STK33: variants seen among roughly 807,000 people sequenced by gnomAD.
STK33 encodes the protein serine/threonine-protein kinase 33.
In STK33, 52 loss-of-function variants were observed where a neutral mutation model predicts 58.0. The observed-to-expected ratio is 0.90, with a 90% CI of 0.72 to 1.13. STK33 has a LOEUF of 1.13. Ranked by LOEUF, STK33 falls within the 50% of genes most tolerant of loss-of-function variation. STK33 has a pLI of 0.00. For missense variants in STK33, 630 were observed against 604.2 expected, an observed-to-expected ratio of 1.04 and a Z score of -0.45; for synonymous variants, 215 against 200.1, an observed-to-expected ratio of 1.07 and a Z score of -0.63.
At chr11:8,544,305 T>C (rs2140402366) in intron 1 of STK33, among the ~76,000 whole-genome samples, 1 of 104,406 alleles carries the variant, frequency 9.6e-6, no homozygotes, top group East Asian at 2.7e-4. Context: ...ATTTTATATA[T>C]ATATATAAAA....
At chr11:8,495,460 G>A (rs1374765819) in intron 1 of STK33, among the ~76,000 whole-genome samples, 1 of 152,212 alleles carries the variant, frequency 6.6e-6, no homozygotes, top group African/African-American at 2.4e-5. Flanking sequence ...AGATACTGGA[G>A]AGGATGTGGA....
At chr11:8,507,607 A>G (rs867324773) in intron 1 of STK33, among the ~76,000 whole-genome samples, 1 of 152,254 alleles carries the variant, frequency 6.6e-6, no homozygotes, top group South Asian at 2.1e-4. Flanking sequence ...TATCTTAAAG[A>G]AGACTAAATA....
At chr11:8,570,876 G>C (rs1007449299) in intron 1 of STK33, among the ~76,000 whole-genome samples, 1 of 152,140 alleles carries the variant, frequency 6.6e-6, no homozygotes, top group African/African-American at 2.4e-5. Flanking sequence ...TTACATCTCA[G>C]TAAAAGCTGT....
intron 11 of STK33, among the ~76,000 whole-genome samples, chr11:8,452,011 C>T (rs1330620632): frequency 4.6e-5 from 7 of 151,968 alleles, no homozygotes; most frequent in Non-Finnish European, 8.8e-5. Context: ...TAGATCAGCC[C>T]GGCCAACACG....
chr11:8,517,327 C>G (rs1450711082), intron 1 of STK33, among the ~76,000 whole-genome samples: 1 of 152,210 alleles, frequency 6.6e-6, no homozygotes, highest in Non-Finnish European at 1.5e-5. Context: ...AAAACTCCAT[C>G]TGTACGTCAC....
chr11:8,517,712 A>C (rs181260578), intron 1 of STK33, among the ~76,000 whole-genome samples: 237 of 152,348 alleles, frequency 1.6e-3, no homozygotes, highest in Non-Finnish European at 1.5e-3. Flanking sequence ...TCAGTAGCCA[A>C]TTTGATAAAG....
At chr11:8,523,993 A>T (rs1196099433) in intron 1 of STK33, among the ~76,000 whole-genome samples, 5 of 152,214 alleles carry the variant, frequency 3.3e-5, no homozygotes, top group African/African-American at 1.2e-4. Flanking sequence ...CTGCCTTGGG[A>T]TGCTGTTAAT....
chr11:8,512,500 G>A (rs1441892015), intron 1 of STK33, among the ~76,000 whole-genome samples: 2 of 152,194 alleles, frequency 1.3e-5, no homozygotes, highest in African/African-American at 4.8e-5. Flanking sequence ...ATTGGCAGAA[G>A]CTGGAAGGAA....
intron 1 of STK33, among the ~76,000 whole-genome samples, chr11:8,491,490 G>T (rs1392094456): frequency 6.6e-6 from 1 of 152,174 alleles, no homozygotes; most frequent in Admixed American, 6.6e-5. Context: ...AAAGTGACAG[G>T]GAGAATGGAA....
intron 11 of STK33, among the ~76,000 whole-genome samples, chr11:8,448,973 G>A (rs1591154158): frequency 6.6e-6 from 1 of 151,714 alleles, no homozygotes; most frequent in East Asian, 1.9e-4. Context: ...GTGGGCAAAG[G>A]AAATGAACAG....
intron 1 of STK33, among the ~76,000 whole-genome samples, chr11:8,507,425 A>G (rs997685434): frequency 5.3e-5 from 8 of 152,218 alleles, no homozygotes; most frequent in African/African-American, 1.9e-4. Context: ...TACATATAAA[A>G]TACTTATACT....
intron 4 of STK33, 49 bp from the exon 5 acceptor site, chr11:8,475,115 C>G (rs1455059661): frequency 6.8e-6 from 3 of 442,938 alleles, no homozygotes; most frequent in Non-Finnish European, 1.2e-5. Context: ...TAACCTATTA[C>G]CATCCTGGAA....
At chr11:8,452,533 A>C (rs148302559) in intron 11 of STK33, among the ~76,000 whole-genome samples, 1 of 152,154 alleles carries the variant, frequency 6.6e-6, no homozygotes, top group Admixed American at 6.5e-5. Flanking sequence ...TGTAATCCCA[A>C]CACTTGGGAA....
Position 8,475,049 on chromosome 11 carries a change from C to T in STK33, c.-144G>A, listed in dbSNP as rs2137918668. ...CCTCAGGTTAAGGATGCACTAGACACATATTCACACGTGAGAGCTGCAGAA... is the reference window on the plus strand; with the variant it reads ...CCTCAGGTTAAGGATGCACTAGACATATATTCACACGTGAGAGCTGCAGAA... On this transcript the variant is annotated 5_prime_UTR_variant, in exon 5 of 16. In the 5' UTR this introduces an upstream ATG that the reference lacks. Coordinates refer to ENST00000687296, the MANE Select transcript of STK33 (RefSeq NM_001352389.2). 2 of 603,570 alleles carry T rather than the reference C, an allele frequency of 3.3e-6. No individual in the cohort carries two copies. Among genetic ancestry groups the T allele is most frequent in the Non-Finnish European group, 5.6e-6 (2 of 359,408 alleles). The allele number at this position is 603,570 out of a possible 1,614,324, so 37.4% of individuals were successfully genotyped here. A position where few individuals can be genotyped will look rare whatever the true frequency, so the allele number is the denominator to read the frequency against.
intron 1 of STK33, among the ~76,000 whole-genome samples, chr11:8,497,975 C>T (rs989455929): frequency 1.3e-5 from 2 of 152,050 alleles, no homozygotes; most frequent in African/African-American, 4.8e-5. Context: ...AAAATACTAG[C>T]CAACTGAATT....
intron 1 of STK33, among the ~76,000 whole-genome samples, chr11:8,578,245 C>G (rs753985307): frequency 4.6e-5 from 7 of 152,058 alleles, no homozygotes; most frequent in Non-Finnish European, 1.0e-4. Context: ...ACAGTAATCT[C>G]CTAGTTTCTT....
chr11:8,436,426 A>C (rs1944078686), intron 12 of STK33, among the ~76,000 whole-genome samples: 1 of 152,214 alleles, frequency 6.6e-6, no homozygotes, highest in African/African-American at 2.4e-5. Flanking sequence ...AGGTGGGGAA[A>C]CACTAAGCTT....
At chr11:8,507,405 A>C (rs1361650752) in intron 1 of STK33, among the ~76,000 whole-genome samples, 1 of 152,234 alleles carries the variant, frequency 6.6e-6, no homozygotes, top group Non-Finnish European at 1.5e-5. Flanking sequence ...ATGAGGAGTG[A>C]ATGAGTTAAT....
At chr11:8,546,872 G>A (rs565008920) in intron 1 of STK33, among the ~76,000 whole-genome samples, 14 of 152,270 alleles carry the variant, frequency 9.2e-5, no homozygotes, top group Admixed American at 5.9e-4. Flanking sequence ...CTTGGCTACT[G>A]TAAATAGTGC....
Sources: gnomAD v4.1 joint callset for allele counts (sites outside exome capture counted in the v4.1 genomes callset) on GRCh38, gnomAD v4.1.1 for gene constraint, MANE v1.5 for transcripts, NCBI Gene and HGNC (gene_info 2026-07-23, HGNC 2026-07-21) for gene names.